The following LRRC7 variants were observed in gnomAD, a reference collection of about 807,000 sequenced individuals.
LRRC7 encodes the protein leucine-rich repeat-containing protein 7.
In LRRC7, 23 loss-of-function variants were observed where a neutral mutation model predicts 175.7. That is an observed-to-expected ratio of 0.13 (90% CI 0.09 to 0.19). The LOEUF (loss-of-function observed/expected upper bound fraction) is 0.19, where lower values mean the gene tolerates loss of function less well. LRRC7 is among the 10% of genes least tolerant of loss of function. The probability of loss-of-function intolerance (pLI) is 1.00; values close to 1 mark genes in which losing one functional copy is unlikely to be tolerated. For missense variants in LRRC7, 1,354 were observed against 1,904.7 expected, an observed-to-expected ratio of 0.71 and a Z score of 5.38; for synonymous variants, 685 against 680.9, an observed-to-expected ratio of 1.01 and a Z score of -0.09.
chr1:69,805,235 T>C (rs1182778665), intron 4 of LRRC7, among the ~76,000 whole-genome samples: 1 of 151,754 alleles, frequency 6.6e-6, no homozygotes, highest in Non-Finnish European at 1.5e-5. Flanking sequence ...AGACAAATCA[T>C]ATCCTCTACT....
At chr1:69,985,402 T>A (rs1256332043) in intron 9 of LRRC7, among the ~76,000 whole-genome samples, 2 of 152,240 alleles carry the variant, frequency 1.3e-5, no homozygotes, top group African/African-American at 4.8e-5. Flanking sequence ...TACATGTCAA[T>A]GTCATTGTTT....
chr1:69,961,917 C>T (rs960439395), intron 8 of LRRC7, among the ~76,000 whole-genome samples: 2 of 152,062 alleles, frequency 1.3e-5, no homozygotes, highest in African/African-American at 4.8e-5. Flanking sequence ...CCATTCAGGA[C>T]ATAGGCATGG....
At position 70,036,225 on chromosome 1, in the gene LRRC7, CA is replaced by C; in HGVS notation, c.2106del (p.Glu703AsnfsTer14). On this transcript the variant is annotated frameshift_variant, in exon 19 of 27. Transcript: ENST00000651989. LOFTEE classifies it high-confidence loss of function. ...CCAAACTTGTTCTGCTAGGGAAGGACAAAAAAGGTAACACTGTGAACCCAAT... is the reference window on the plus strand; with the variant it reads ...CCAAACTTGTTCTGCTAGGGAAGGACAAAAAGGTAACACTGTGAACCCAAT... ...PPKLVLLGKD[K>X]KESTDESEVD... 1.9e-6 allele frequency: 3 copies of C among 1,609,110 alleles called. No individual in the cohort carries two copies. Among genetic ancestry groups the C allele is most frequent in the Non-Finnish European group, 1.7e-6 (2 of 1,178,108 alleles).
At chr1:69,911,801 A>G (rs1646538975) in intron 7 of LRRC7, among the ~76,000 whole-genome samples, 1 of 152,208 alleles carries the variant, frequency 6.6e-6, no homozygotes, top group African/African-American at 2.4e-5. Context: ...CTAAAGTTTA[A>G]ATTCTCTGAC....
chr1:69,677,774 A>G (rs538099425), intron 1 of LRRC7, among the ~76,000 whole-genome samples: 1 of 152,178 alleles, frequency 6.6e-6, no homozygotes, highest in East Asian at 1.9e-4. Context: ...TTGGGCTGCT[A>G]TAACAAAATA....
intron 24 of LRRC7, among the ~76,000 whole-genome samples, chr1:70,084,413 T>G (rs1440244066): frequency 6.6e-6 from 1 of 152,196 alleles, no homozygotes; most frequent in Non-Finnish European, 1.5e-5. Context: ...GATCATACAA[T>G]ACATGTATTT....
intron 24 of LRRC7, among the ~76,000 whole-genome samples, chr1:70,077,276 T>C: frequency 6.6e-6 from 1 of 152,174 alleles, no homozygotes; most frequent in East Asian, 1.9e-4. Flanking sequence ...GATTACGTAC[T>C]AATCATTCTC....
chr1:69,886,350 T>A (rs1687196236), intron 7 of LRRC7, among the ~76,000 whole-genome samples: 1 of 150,312 alleles, frequency 6.7e-6, no homozygotes, highest in Non-Finnish European at 1.5e-5. Context: ...CTTGTTGAAT[T>A]GATCCCTTTA....
Position 70,107,838 on chromosome 1 carries a change from A to G in LRRC7, c.4620+12A>G. The stretch of plus-strand genomic sequence containing the variant: ...ATAAGATCCTTCAGGTAAGACAGAT[A>G]AAAGAAATGCATGCAAATGCCATAC... On this transcript the variant is annotated intron_variant, in intron 26 of 26. Coordinates refer to ENST00000651989, the MANE Select transcript of LRRC7 (RefSeq NM_001370785.2). 2 of 1,603,490 alleles carry G rather than the reference A, an allele frequency of 1.2e-6. No individual in the cohort carries two copies. Among genetic ancestry groups the G allele is most frequent in the Non-Finnish European group, 1.7e-6 (2 of 1,171,498 alleles).
At chr1:69,858,141 C>G (rs1477618785) in intron 7 of LRRC7, among the ~76,000 whole-genome samples, 1 of 152,072 alleles carries the variant, frequency 6.6e-6, no homozygotes, top group Non-Finnish European at 1.5e-5. Flanking sequence ...AATGTTAGAC[C>G]TAAAACCATA....
At chr1:69,774,946 T>C (rs1249358036) in intron 3 of LRRC7, among the ~76,000 whole-genome samples, 1 of 151,730 alleles carries the variant, frequency 6.6e-6, no homozygotes, top group African/African-American at 2.4e-5. Flanking sequence ...CTAAAAGAGT[T>C]GAAAGAAACT....
At chr1:69,621,467 C>A (rs1356343569) in intron 1 of LRRC7, among the ~76,000 whole-genome samples, 1 of 152,108 alleles carries the variant, frequency 6.6e-6, no homozygotes, top group Non-Finnish European at 1.5e-5. Flanking sequence ...AAAACATCAG[C>A]GAATCTTTAG....
intron 4 of LRRC7, among the ~76,000 whole-genome samples, chr1:69,796,014 GT>G (rs1165080680): frequency 6.6e-6 from 1 of 150,822 alleles, no homozygotes; most frequent in African/African-American, 2.4e-5. Context: ...CAACGTGCAG[GT>G]TTTGTTACAT....
chr1:69,771,693 G>A (rs72675054), intron 3 of LRRC7, among the ~76,000 whole-genome samples: 21,358 of 152,064 alleles, frequency 0.14, 1,620 homozygotes, highest in Middle Eastern at 0.19. Flanking sequence ...ATTGTTCTAG[G>A]TGCCAGAGAT....
chr1:69,996,316 T>C (rs1654960599), intron 11 of LRRC7, among the ~76,000 whole-genome samples: 1 of 152,176 alleles, frequency 6.6e-6, no homozygotes, highest in South Asian at 2.1e-4. Flanking sequence ...CTTTGTCAGA[T>C]GAGTAGGTTG....
intron 2 of LRRC7, among the ~76,000 whole-genome samples, chr1:69,680,233 T>C (rs555901759): frequency 6.6e-6 from 1 of 152,220 alleles, no homozygotes; most frequent in South Asian, 2.1e-4. Flanking sequence ...TTTAAGAAGC[T>C]CTGCAGGAGA....
rs182486324 is a variant in LRRC7 at position 70,142,684 on chromosome 1, G to A, written c.*20797G>A. 1.4e-3 allele frequency: 220 copies of A among 151,986 alleles called. No individual in the cohort carries two copies. The highest frequency in any genetic ancestry group is 5.1e-3 in the African/African-American group (213 of 41,446). The allele number at this position is 151,986 out of a possible 1,614,324, so 9.4% of individuals were successfully genotyped here. ...TACTGCAAGATTACTGTTGCTTATTGAAAGTAATAATACAGTTTTATTTTT... is the reference window on the plus strand; with the variant it reads ...TACTGCAAGATTACTGTTGCTTATTAAAAGTAATAATACAGTTTTATTTTT... On this transcript the variant is annotated 3_prime_UTR_variant, in exon 27 of 27. Transcript: ENST00000651989.
chr1:70,086,373 A>G (rs1663610451), intron 24 of LRRC7, among the ~76,000 whole-genome samples: 1 of 152,200 alleles, frequency 6.6e-6, no homozygotes, highest in African/African-American at 2.4e-5. Context: ...AACACAGACC[A>G]GAAGTTATCA....
intron 25 of LRRC7, among the ~76,000 whole-genome samples, chr1:70,102,193 T>C (rs1266105687): frequency 6.6e-6 from 1 of 152,140 alleles, no homozygotes; most frequent in Non-Finnish European, 1.5e-5. Context: ...TAAAAAATCA[T>C]TTAGAAAGCC....
Sources: gnomAD v4.1 joint callset for allele counts (sites outside exome capture counted in the v4.1 genomes callset) on GRCh38, gnomAD v4.1.1 for gene constraint, MANE v1.5 for transcripts, NCBI Gene and HGNC (gene_info 2026-07-23, HGNC 2026-07-21) for gene names.